Variants in CPEB2 observed in about 807,000 individuals in gnomAD.
CPEB2 encodes the protein cytoplasmic polyadenylation element binding protein 2, also known as cytoplasmic polyadenylation element-binding protein 2.
A neutral mutation model predicts 93.6 loss-of-function variants in CPEB2; 56 were observed. That is an observed-to-expected ratio of 0.60 (90% confidence interval 0.48 to 0.75). The LOEUF is 0.75. CPEB2 is among the 30% of genes least tolerant of loss of function. The pLI is 0.00. For missense variants in CPEB2, 1,579 were observed against 1,395.1 expected (o/e 1.13, Z -2.10); for synonymous variants, 764 against 586.3 (o/e 1.30, Z -4.38).
At chr4:15,051,264 G>A (rs962904833) in intron 6 of CPEB2, among the ~76,000 whole-genome samples, 3 of 152,186 alleles carry the variant, frequency 2.0e-5, no homozygotes, top group South Asian at 4.2e-4. Flanking sequence ...CCTGTATCTA[G>A]TTTATTATCT....
At chr4:15,032,910 C>T (rs1437113903) in intron 4 of CPEB2, among the ~76,000 whole-genome samples, 1 of 152,098 alleles carries the variant, frequency 6.6e-6, no homozygotes, top group Non-Finnish European at 1.5e-5. Flanking sequence ...ATTCTATTGG[C>T]ATTGCTCCCA....
chr4:15,023,238 A>G (rs1724996168), intron 4 of CPEB2, among the ~76,000 whole-genome samples: 2 of 152,086 alleles, frequency 1.3e-5, no homozygotes, highest in Non-Finnish European at 2.9e-5. Context: ...AATGTTTCCT[A>G]TATATAACTT....
At chr4:15,043,513 A>G (rs901482974) in intron 6 of CPEB2, among the ~76,000 whole-genome samples, 1 of 152,082 alleles carries the variant, frequency 6.6e-6, no homozygotes, top group African/African-American at 2.4e-5. Context: ...TTTTTTATTC[A>G]TTGTTTCTTC....
chr4:15,067,504 G>A lies in CPEB2; in HGVS notation c.*1124G>A, dbSNP rs1010376120. 1 of 152,338 alleles carries A rather than the reference G, an allele frequency of 6.6e-6. No homozygotes were observed. The highest frequency in any genetic ancestry group is 2.4e-5 in the African/African-American group (1 of 41,398). 9.4% of individuals were successfully genotyped at this position (152,338 alleles called of 1,614,324 possible). A position where few individuals can be genotyped will look rare whatever the true frequency, so the allele number is the denominator to read the frequency against. ...AAATACAAGAATTCTAAAGAAAGTT[G>A]GTTTTAGCCCCTTTGATAGTCCATG... On this transcript the variant is annotated 3_prime_UTR_variant, in exon 12 of 12. Transcript: ENST00000538197.
At chr4:15,053,881 A>G (rs1286013707) in intron 7 of CPEB2, among the ~76,000 whole-genome samples, 1 of 152,200 alleles carries the variant, frequency 6.6e-6, no homozygotes, top group African/African-American at 2.4e-5. Context: ...ATAAAATTTT[A>G]AAATTCACAT....
chr4:15,004,516 C>T (rs1162291112), intron 1 of CPEB2, among the ~76,000 whole-genome samples, 181 bp downstream of exon 1: 4 of 152,088 alleles, frequency 2.6e-5, no homozygotes, highest in Non-Finnish European at 5.9e-5. Context: ...GGAACCCCAG[C>T]CCCCGGTGGG....
chr4:15,056,201 C>G (rs935116162), intron 8 of CPEB2, among the ~76,000 whole-genome samples: 3 of 152,048 alleles, frequency 2.0e-5, no homozygotes, highest in Admixed American at 1.3e-4. Context: ...GAAATTACTT[C>G]AAGTAGATGG....
chr4:15,018,298 C>G (rs1289512318), intron 4 of CPEB2, among the ~76,000 whole-genome samples: 5 of 151,736 alleles, frequency 3.3e-5, no homozygotes, highest in Admixed American at 2.6e-4. Context: ...GACCACATAT[C>G]TAACTATTTT....
intron 5 of CPEB2, among the ~76,000 whole-genome samples, 168 bp downstream of exon 5, chr4:15,033,379 C>T (rs745809557): frequency 9.2e-5 from 14 of 152,146 alleles, no homozygotes; most frequent in South Asian, 4.1e-4. Flanking sequence ...TGAGTGTGTT[C>T]GGGCTGGTAA....
In CPEB2 at chr4:15,024,865, C is replaced by T. The variant is rs150603421; in HGVS notation, c.2125+7587C>T. 2.4e-3 allele frequency among the ~76,000 whole-genome samples: 369 copies of T among 151,814 alleles called. 3 individuals are homozygous for T. The highest frequency in any genetic ancestry group is 8.5e-3 in the African/African-American group (351 of 41,368). On this transcript the variant is annotated intron_variant, in intron 4 of 11. Coordinates refer to ENST00000538197, the MANE Select transcript of CPEB2 (RefSeq NM_001177382.2). ...GGTTCAAGTGATTCTCCTGCCTCAG[C>T]CTCCCAAGTAGCTGGGATTACAGGT...
In CPEB2 at chr4:15,002,880, C is replaced by T. The variant is rs866709367; in HGVS notation, c.207C>T (p.Leu69=). Residue 69 remains leucine, a synonymous_variant, in exon 1 of 12, where the codon CTC becomes CTT. Coordinates refer to ENST00000538197, the MANE Select transcript of CPEB2 (RefSeq NM_001177382.2). ...LEAASPFSVP[L]GGGAGSPAAA... is the part of the protein sequence containing the mutation. ...CCGCCTCCCCCTTCTCCGTCCCCCT[C>T]GGCGGCGGCGCGGGCAGCCCGGCCG... 2.0e-6 allele frequency: 3 copies of T among 1,518,830 alleles called. No individual in the cohort carries two copies. The highest frequency in any genetic ancestry group is 2.6e-6 in the Non-Finnish European group (3 of 1,142,298). The allele number at this position is 1,518,830 out of a possible 1,614,324, so 94.1% of individuals were successfully genotyped here.
chr4:15,031,358 C>A (rs1256527955), intron 4 of CPEB2, among the ~76,000 whole-genome samples: 1 of 151,918 alleles, frequency 6.6e-6, no homozygotes, highest in Non-Finnish European at 1.5e-5. Context: ...CCATCTGCAG[C>A]AAGATGTTTA....
intron 6 of CPEB2, among the ~76,000 whole-genome samples, chr4:15,041,447 G>A (rs1388449961): frequency 1.3e-5 from 2 of 151,402 alleles, no homozygotes; most frequent in Non-Finnish European, 2.9e-5. Context: ...TTGTTGCCCA[G>A]GCTGGAGTGC....
At chr4:15,059,551 A>G (rs567216153) in intron 10 of CPEB2, among the ~76,000 whole-genome samples, 1 of 152,284 alleles carries the variant, frequency 6.6e-6, no homozygotes, top group South Asian at 2.1e-4. Flanking sequence ...AAGCAAATCT[A>G]TAAGAATCCA....
chr4:15,014,915 C>G (rs544911520), intron 3 of CPEB2, among the ~76,000 whole-genome samples: 1 of 152,094 alleles, frequency 6.6e-6, no homozygotes, highest in East Asian at 1.9e-4. Flanking sequence ...ATGGGCCATC[C>G]TATTCTCTGT....
Position 15,003,602 on chromosome 4 carries a change from C to T in CPEB2, c.929C>T (p.Ala310Val), listed in dbSNP as rs1481098875. Residue 310 changes from alanine to valine, a missense_variant, in exon 1 of 12, where the codon GCG (alanine) becomes GTG (valine). Coordinates refer to ENST00000538197, the MANE Select transcript of CPEB2 (RefSeq NM_001177382.2). ...GCCTCCTCGACGCCGGTGAACCCCG[C>T]GCCGGGCTCCATGGAGTCCCCCAAC... ...GLASSTPVNP[A>V]PGSMESPNHP... 1 of 1,477,264 alleles carries T rather than the reference C, an allele frequency of 6.8e-7. No individual in the cohort carries two copies. Among genetic ancestry groups the T allele is most frequent in the Non-Finnish European group, 8.9e-7 (1 of 1,118,354 alleles). 91.5% of individuals were successfully genotyped at this position (1,477,264 alleles called of 1,614,324 possible).
rs28373548 is a variant in CPEB2, at chr4:15,006,433, A to T, written c.1663-872A>T. ...TGAATACTTCTTAAAAAAAAAAAAAACCCAAAACTACAATTATTAGCGTTT... is the reference window on the plus strand; with the variant it reads ...TGAATACTTCTTAAAAAAAAAAAAATCCCAAAACTACAATTATTAGCGTTT... On this transcript the variant is annotated intron_variant, in intron 1 of 11. Transcript: ENST00000538197. 2.0e-5 allele frequency: 3 copies of T among 151,468 alleles called. No homozygotes were observed. The South Asian group carries it at 6.3e-4, about 32-fold the overall frequency. 9.4% of individuals were successfully genotyped at this position (151,468 alleles called of 1,614,324 possible).
In CPEB2 at chr4:15,003,506, G is replaced by A. The variant is rs1240377542; in HGVS notation, c.833G>A (p.Gly278Asp). ...PPAAPRRRHG[G>D]AGSPRKTPAA... ...GCAGCCCCGCGGCGCCGCCACGGAG[G>A]CGCGGGCAGCCCTCGCAAGACCCCA... The change falls in exon 1 of 12, where the codon GGC (glycine) becomes GAC (aspartate). Residue 278 changes from glycine (G) to aspartate (D), a missense_variant. Physicochemically the swap from Gly to Asp is moderately conservative, Grantham distance 94. Transcript: ENST00000538197. The A allele has an allele frequency of 2.1e-4, 292 of 1,415,484 alleles. No individual in the cohort carries two copies. The highest frequency in any genetic ancestry group is 2.6e-4 in the Non-Finnish European group (280 of 1,088,756). The allele number at this position is 1,415,484 out of a possible 1,614,324, so 87.7% of individuals were successfully genotyped here.
chr4:15,009,419 C>A (rs747464335), intron 3 of CPEB2, among the ~76,000 whole-genome samples: 16 of 152,186 alleles, frequency 1.1e-4, no homozygotes, highest in Non-Finnish European at 2.2e-4. Context: ...GGGTCTTCAC[C>A]TAGAAATGGT....
Sources: allele counts gnomAD v4.1 joint callset (sites outside exome capture counted in the v4.1 genomes callset), GRCh38; gene constraint gnomAD v4.1.1; transcripts MANE v1.5; gene names NCBI Gene and HGNC (gene_info 2026-07-23, HGNC 2026-07-21).